JAM3: variants seen among roughly 807,000 people sequenced by gnomAD.
JAM3 encodes junctional adhesion molecule C.
JAM3 carries 31 observed loss-of-function variants against 39.4 expected under a neutral mutation model. That is an observed-to-expected ratio of 0.79 (90% confidence interval 0.59 to 1.06). The LOEUF is 1.06. Among genes scored for constraint, JAM3 ranks in the 50% least tolerant of loss-of-function variants. JAM3 has a pLI of 0.00. For synonymous variants in JAM3, 182 were observed against 148.7 expected (o/e 1.22, Z -1.63); for missense variants, 455 against 391.4 (o/e 1.16, Z -1.37).
At chr11:134,094,058 A>G (rs1398337649) in intron 1 of JAM3, among the ~76,000 whole-genome samples, 15 of 99,846 alleles carry the variant, frequency 1.5e-4, no homozygotes, top group East Asian at 3.3e-4. Context: ...CTTCTCCTGA[A>G]CCCTCCTTAT....
At chr11:134,093,896 G>A (rs369324568) in intron 1 of JAM3, among the ~76,000 whole-genome samples, 1 of 113,638 alleles carries the variant, frequency 8.8e-6, no homozygotes, top group Non-Finnish European at 1.8e-5. Context: ...TATTCATCAT[G>A]TTCCACCTTA....
intron 3 of JAM3, 101 bp downstream of exon 3, chr11:134,140,871 C>A: frequency 2.8e-6 from 4 of 1,442,232 alleles, no homozygotes; most frequent in Non-Finnish European, 3.7e-6. Context: ...TAACCTGCAT[C>A]TGTAGCTAGG....
In JAM3 at chr11:134,144,365, T is replaced by C. The variant is rs1236299991; in HGVS notation, c.381T>C (p.Asp127=). The C allele has an allele frequency of 6.2e-7, 1 of 1,605,662 alleles. No individual in the cohort carries two copies. The highest frequency in any genetic ancestry group is 8.5e-7 in the Non-Finnish European group (1 of 1,172,612). Residue 127 remains aspartate, a synonymous_variant, in exon 4 of 9, where the codon GAT becomes GAC. Coordinates refer to ENST00000299106, the MANE Select transcript of JAM3 (RefSeq NM_032801.5). ...CTCGAAATGACCGCAAGGAAATTGATGAGATTGTGATCGAGTTAACTGTGC... is the reference window on the plus strand; with the variant it reads ...CTCGAAATGACCGCAAGGAAATTGACGAGATTGTGATCGAGTTAACTGTGC... ...VVARNDRKEI[D]EIVIELTVQV... is the part of the protein sequence containing the mutation.
chr11:134,141,065 T>C (rs1031044637), intron 3 of JAM3, among the ~76,000 whole-genome samples: 3 of 152,194 alleles, frequency 2.0e-5, no homozygotes, highest in African/African-American at 7.2e-5. Context: ...AACATTTTCC[T>C]AGGCCATCTT....
rs187264208 is a variant in JAM3, at chr11:134,148,390, G to A, written c.713-157G>A. 8 of 809,480 alleles carry A rather than the reference G, an allele frequency of 9.9e-6. No homozygotes were observed. The East Asian group carries it at 2.0e-4, about 20-fold the overall frequency. The allele number at this position is 809,480 out of a possible 1,614,324, so 50.1% of individuals were successfully genotyped here. A position where few individuals can be genotyped will look rare whatever the true frequency, so the allele number is the denominator to read the frequency against. On this transcript the variant is annotated intron_variant, in intron 6 of 8. Coordinates refer to ENST00000299106, the MANE Select transcript of JAM3 (RefSeq NM_032801.5). Reference sequence around the variant, plus strand: ...ATGGTGTCCTATATGTTCTAGGCTAGAAGGATTGTAAGTGTTCTCTCTTCT... The same window carrying A: ...ATGGTGTCCTATATGTTCTAGGCTAAAAGGATTGTAAGTGTTCTCTCTTCT...
At chr11:134,118,646 C>G (rs1211716858) in intron 1 of JAM3, among the ~76,000 whole-genome samples, 4 of 152,188 alleles carry the variant, frequency 2.6e-5, no homozygotes, top group Non-Finnish European at 5.9e-5. Context: ...TCCTCTCTCC[C>G]TGCCACCACT....
intron 1 of JAM3, among the ~76,000 whole-genome samples, chr11:134,114,605 T>G (rs956744667): frequency 1.3e-5 from 2 of 152,234 alleles, no homozygotes; most frequent in South Asian, 4.1e-4. Flanking sequence ...GATTCTTCTT[T>G]GACTTACAGA....
chr11:134,108,000 C>G (rs1205342608), intron 1 of JAM3, among the ~76,000 whole-genome samples: 1 of 151,504 alleles, frequency 6.6e-6, no homozygotes, highest in Non-Finnish European at 1.5e-5. Flanking sequence ...CAGAAAAAAA[C>G]CAGTAAGTCC....
rs545764842 is a variant in JAM3, at chr11:134,070,817, C to CTCTGATT, written c.76+1661_76+1667dup. Among the ~76,000 whole-genome samples, 71 of 152,346 alleles carry CTCTGATT rather than the reference C, an allele frequency of 4.7e-4. 1 individual carries two copies. Among genetic ancestry groups the CTCTGATT allele is most frequent in the African/African-American group, 1.6e-3 (66 of 41,572 alleles). ...GCAAAGAGCTTCACTTACCCTTAAC[C>CTCTGATT]TCTGATTTCCTTCCCCTAAGGGACT... On this transcript the variant is annotated intron_variant, in intron 1 of 8. Coordinates refer to ENST00000299106, the MANE Select transcript of JAM3 (RefSeq NM_032801.5).
intron 1 of JAM3, among the ~76,000 whole-genome samples, chr11:134,087,262 A>G (rs1362457476): frequency 6.6e-6 from 1 of 152,194 alleles, no homozygotes; most frequent in East Asian, 1.9e-4. Flanking sequence ...AAAGTAGGGA[A>G]GAGTATGGAA....
intron 1 of JAM3, among the ~76,000 whole-genome samples, chr11:134,114,209 T>C (rs931756611): frequency 2.6e-5 from 4 of 152,238 alleles, no homozygotes; most frequent in African/African-American, 9.6e-5. Flanking sequence ...TTAGATCCCA[T>C]TTGTCAATTT....
intron 1 of JAM3, among the ~76,000 whole-genome samples, chr11:134,111,204 C>G (rs1434319266): frequency 7.7e-6 from 1 of 129,256 alleles, no homozygotes; most frequent in Non-Finnish European, 1.5e-5. Flanking sequence ...AGTGCAGTGG[C>G]GCGATCTCGG....
chr11:134,096,370 G>A (rs1436021616), intron 1 of JAM3, among the ~76,000 whole-genome samples: 2 of 152,214 alleles, frequency 1.3e-5, no homozygotes, highest in Non-Finnish European at 2.9e-5. Context: ...TTCTTGGTCT[G>A]TTCACTTCCA....
At chr11:134,108,896 A>G (rs1591787391) in intron 1 of JAM3, among the ~76,000 whole-genome samples, 1 of 152,232 alleles carries the variant, frequency 6.6e-6, no homozygotes, top group Non-Finnish European at 1.5e-5. Context: ...AACAATATCC[A>G]TGAAAAAGTT....
In JAM3 at chr11:134,145,991, A is replaced by G; in HGVS notation, c.658A>G (p.Ile220Val). The change falls in exon 6 of 9, where the codon ATT becomes GTT. Residue 220 changes from isoleucine to valine, a missense_variant. Transcript: ENST00000299106. ...GGACGACTCTGGGCAGTACTACTGC[A>G]TTGCTTCCAATGACGCAGGCTCAGC... ...HKDDSGQYYC[I>V]ASNDAGSARC... The G allele has an allele frequency of 6.2e-7, 1 of 1,614,180 alleles. No individual in the cohort carries two copies. The highest frequency in any genetic ancestry group is 8.5e-7 in the Non-Finnish European group (1 of 1,179,994).
chr11:134,135,369 T>C (rs899845154), intron 1 of JAM3, among the ~76,000 whole-genome samples: 13 of 152,210 alleles, frequency 8.5e-5, no homozygotes, highest in Non-Finnish European at 1.8e-4. Context: ...ATACCTTTGA[T>C]CTGTATGTCT....
At chr11:134,101,387 C>T (rs1287492335) in intron 1 of JAM3, among the ~76,000 whole-genome samples, 2 of 152,034 alleles carry the variant, frequency 1.3e-5, no homozygotes, top group African/African-American at 4.8e-5. Flanking sequence ...TGCAGAAGAC[C>T]AGAATATTTA....
Position 134,148,766 on chromosome 11 carries a change from A to C in JAM3, c.845A>C (p.Tyr282Ser). 1 of 1,614,190 alleles carries C rather than the reference A, an allele frequency of 6.2e-7. No individual in the cohort carries two copies. Among genetic ancestry groups the C allele is most frequent in the Non-Finnish European group, 8.5e-7 (1 of 1,180,006 alleles). ...AAACTGCTCTCTTCTCCTCATAGTT[A>C]CAAGAACCCAGGGAAACCAGATGGA... is the stretch of plus-strand genomic sequence containing the variant. ...FINNKQDGES[Y>S]KNPGKPDGVN... is the part of the protein sequence containing the mutation. Residue 282 changes from tyrosine (Y) to serine (S), a missense_variant and splice_region_variant, in exon 8 of 9, where the codon TAC (tyrosine) becomes TCC (serine). Tyr to Ser is a moderately radical substitution (Grantham distance 144). Coordinates refer to ENST00000299106, the MANE Select transcript of JAM3 (RefSeq NM_032801.5).
At chr11:134,125,594 C>T (rs145866537) in intron 1 of JAM3, among the ~76,000 whole-genome samples, 20 of 152,280 alleles carry the variant, frequency 1.3e-4, no homozygotes, top group South Asian at 6.2e-4. Flanking sequence ...CGCTAGCATC[C>T]GATCCCCTGT....
Sources: gnomAD v4.1 joint callset for allele counts (sites outside exome capture counted in the v4.1 genomes callset) on GRCh38, gnomAD v4.1.1 for gene constraint, MANE v1.5 for transcripts, NCBI Gene and HGNC (gene_info 2026-07-23, HGNC 2026-07-21) for gene names.